FRMPD1: variants seen among roughly 807,000 people sequenced by gnomAD.
FRMPD1 encodes the protein FERM and PDZ domain-containing protein 1.
Under a neutral mutation model 117.8 loss-of-function variants are expected in FRMPD1, and 76 were observed. That is an observed-to-expected ratio of 0.65 (90% CI 0.54 to 0.78). FRMPD1 has a LOEUF of 0.78. Among genes scored for constraint, FRMPD1 ranks in the 30% least tolerant of loss-of-function variants. The pLI is 0.00. For missense variants in FRMPD1, 1,786 were observed against 1,964.5 expected (o/e 0.91, Z 1.72); for synonymous variants, 783 against 770.4 (o/e 1.02, Z -0.27).
chr9:37,731,146 A>G, intron 9 of FRMPD1, 43 bp downstream of exon 9: 2 of 1,596,508 alleles, frequency 1.3e-6, no homozygotes, highest in Non-Finnish European at 8.6e-7. Flanking sequence ...GGTTGTTCTC[A>G]AAGATGGTGC....
the FRMPD1 span, among the ~76,000 whole-genome samples, chr9:37,633,042 CT>C: frequency 3.8e-5 from 5 of 132,210 alleles, no homozygotes. Context: ...TTTTTCTTTT[CT>C]TTTTTTCTTA....
chr9:37,667,062 CTTT>C (rs573955616), intron 1 of FRMPD1, among the ~76,000 whole-genome samples: 2 of 111,048 alleles, frequency 1.8e-5, no homozygotes, highest in African/African-American at 7.9e-5. Flanking sequence ...TTGAAGCATG[CTTT>C]TTTTTTTTTT....
chr9:37,691,976 T>C (rs1223447902), intron 1 of FRMPD1, among the ~76,000 whole-genome samples: 2 of 152,170 alleles, frequency 1.3e-5, no homozygotes, highest in Non-Finnish European at 2.9e-5. Context: ...AGTGATTATG[T>C]ATGGGCATGG....
At position 37,742,295 on chromosome 9, in the gene FRMPD1, CG is replaced by C. The variant is rs569152534; in HGVS notation, c.2356+1417del. On this transcript the variant is annotated intron_variant, in intron 15 of 15. Coordinates refer to ENST00000377765, the MANE Select transcript of FRMPD1 (RefSeq NM_014907.3). Reference sequence around the variant, plus strand: ...TGCCCTGCAGGGCCAGCCATTGTGCCGGGGGGCAGGATGGAAGTGTGGCAGA... The same window carrying C: ...TGCCCTGCAGGGCCAGCCATTGTGCCGGGGGCAGGATGGAAGTGTGGCAGA... 3.0e-4 allele frequency among the ~76,000 whole-genome samples: 45 copies of C among 152,314 alleles called. 1 individual carries two copies. Among genetic ancestry groups the C allele is most frequent in the Admixed American group, 2.7e-3 (41 of 15,300 alleles).
chr9:37,742,905 CA>C (rs200956457), intron 15 of FRMPD1, among the ~76,000 whole-genome samples: 1 of 151,796 alleles, frequency 6.6e-6, no homozygotes, highest in Non-Finnish European at 1.5e-5. Context: ...TCTCAAAAAA[CA>C]AAAAACAAAA....
chr9:37,656,143 G>A (rs1820836711), intron 1 of FRMPD1, among the ~76,000 whole-genome samples: 3 of 152,164 alleles, frequency 2.0e-5, no homozygotes, highest in Admixed American at 2.0e-4. Context: ...ACAGAGCCTA[G>A]CCCTAATGCA....
rs1563941494 is a variant in FRMPD1 at position 37,707,568 on chromosome 9, C to CA, written c.255dup (p.Ala86SerfsTer13). The CA allele has an allele frequency of 5.0e-6, 8 of 1,613,018 alleles. No homozygotes were observed. The highest frequency in any genetic ancestry group is 5.9e-6 in the Non-Finnish European group (7 of 1,179,264). ...CTTCCCCTTACAGTGGTGGCTGTCACAGCAGGTAGGGGATGACTGGGAAAT... is the reference window on the plus strand; with the variant it reads ...CTTCCCCTTACAGTGGTGGCTGTCACAAGCAGGTAGGGGATGACTGGGAAAT... On this transcript the variant is annotated frameshift_variant, in exon 3 of 16. Transcript: ENST00000377765. LOFTEE classifies it high-confidence loss of function.
chr9:37,606,694 A>G, the FRMPD1 span, among the ~76,000 whole-genome samples: 1 of 152,348 alleles, frequency 6.6e-6, no homozygotes, highest in South Asian at 2.1e-4. Flanking sequence ...TTCCCTTTAA[A>G]CCAGAAAAAC....
intron 13 of FRMPD1, among the ~76,000 whole-genome samples, chr9:37,736,751 G>A (rs969375244): frequency 1.3e-5 from 2 of 152,014 alleles, no homozygotes; most frequent in Non-Finnish European, 2.9e-5. Flanking sequence ...GGGTGGGATG[G>A]GGCAGTTTGG....
chr9:37,612,381 A>C, the FRMPD1 span, among the ~76,000 whole-genome samples: 11 of 152,062 alleles, frequency 7.2e-5, no homozygotes, highest in South Asian at 2.3e-3. Flanking sequence ...CGGAGTCTCG[A>C]TCTATTGCCC....
At chr9:37,628,920 C>T in the FRMPD1 span, among the ~76,000 whole-genome samples, 4 of 152,310 alleles carry the variant, frequency 2.6e-5, no homozygotes, top group South Asian at 2.1e-4. Flanking sequence ...TATATCAGGC[C>T]GGGCGCGGTG....
intron 1 of FRMPD1, among the ~76,000 whole-genome samples, chr9:37,686,812 C>G (rs1364948462): frequency 6.6e-6 from 1 of 152,200 alleles, no homozygotes; most frequent in Non-Finnish European, 1.5e-5. Flanking sequence ...TGGATATGTT[C>G]GAGATCCCTG....
intron 3 of FRMPD1, 122 bp from the exon 4 acceptor site, chr9:37,708,277 G>A (rs1209617854): frequency 1.5e-6 from 1 of 658,442 alleles, no homozygotes; most frequent in Non-Finnish European, 2.7e-6. Context: ...CTGACTGAAG[G>A]CGGGGGAGTG....
chr9:37,717,552 G>C (rs1231650197), intron 5 of FRMPD1, among the ~76,000 whole-genome samples: 1 of 151,704 alleles, frequency 6.6e-6, no homozygotes, highest in Non-Finnish European at 1.5e-5. Context: ...GCTAATTTTT[G>C]TATTTTTAAT....
At chr9:37,651,509 G>A (rs1046842676) in intron 1 of FRMPD1, among the ~76,000 whole-genome samples, 3 of 152,220 alleles carry the variant, frequency 2.0e-5, no homozygotes, top group African/African-American at 4.8e-5. Context: ...CAGCTGCAGT[G>A]CCAATGCCTG....
At chr9:37,654,582 T>C (rs913447920) in intron 1 of FRMPD1, among the ~76,000 whole-genome samples, 2 of 152,234 alleles carry the variant, frequency 1.3e-5, no homozygotes, top group African/African-American at 4.8e-5. Flanking sequence ...GTTGGATAAC[T>C]GAATGAGTCG....
the FRMPD1 span, among the ~76,000 whole-genome samples, chr9:37,620,461 C>T: frequency 6.6e-6 from 1 of 152,092 alleles, no homozygotes; most frequent in South Asian, 2.1e-4. Context: ...TCACTTAGTC[C>T]AGCACCGGGC....
intron 5 of FRMPD1, among the ~76,000 whole-genome samples, chr9:37,717,206 C>T (rs1823155765): frequency 6.6e-6 from 1 of 151,766 alleles, no homozygotes; most frequent in East Asian, 1.9e-4. Context: ...TTGATTGGCT[C>T]TGACTTGTTC....
the FRMPD1 span, among the ~76,000 whole-genome samples, chr9:37,628,804 C>T: frequency 1.3e-5 from 2 of 152,174 alleles, no homozygotes; most frequent in Admixed American, 6.5e-5. Flanking sequence ...GGTGCTGCAG[C>T]GTCTTCCCTA....
Sources: allele counts gnomAD v4.1 joint callset (sites outside exome capture counted in the v4.1 genomes callset), GRCh38; gene constraint gnomAD v4.1.1; transcripts MANE v1.5; gene names NCBI Gene and HGNC (gene_info 2026-07-23, HGNC 2026-07-21).